The following SARAF variants were observed in gnomAD, a reference collection of about 807,000 sequenced individuals.
SARAF encodes store-operated calcium entry associated regulatory factor, also known as store-operated calcium entry-associated regulatory factor.
A neutral mutation model predicts 39.7 loss-of-function variants in SARAF; 23 were observed. The ratio of observed to expected loss-of-function variants is 0.58; its 90% CI spans 0.42 to 0.82. The LOEUF (loss-of-function observed/expected upper bound fraction) is 0.82, where lower values mean the gene tolerates loss of function less well. Ranked by LOEUF, SARAF falls within the 40% of genes least tolerant of loss-of-function variation. The pLI, the probability that SARAF is intolerant of heterozygous loss-of-function variation, is 0.00. For missense variants in SARAF, 384 were observed against 418.5 expected, an observed-to-expected ratio of 0.92 and a Z score of 0.72; for synonymous variants, 175 against 168.5, an observed-to-expected ratio of 1.04 and a Z score of -0.30.
rs767715490 is a variant in SARAF, at chr8:30,066,116, G to A, written c.866C>T (p.Ser289Leu). 27 of 1,613,988 alleles carry A rather than the reference G, an allele frequency of 1.7e-5. No homozygotes were observed. The highest frequency in any genetic ancestry group is 6.6e-5 in the South Asian group (6 of 91,090). Residue 289 changes from serine (S) to leucine (L), a missense_variant, in exon 5 of 6, where the codon TCG becomes TTG. Transcript: ENST00000256255. ...GGGAGGATAGGACGGGTAGTACCAC[G>A]AGTCTGAGAAGGGTGTTGCCGCTCT... ...SNRAATPFSD[S>L]WYYPSYPPSY...
At chr8:30,068,531 T>C (rs1294347857) in intron 3 of SARAF, among the ~76,000 whole-genome samples, 1 of 152,198 alleles carries the variant, frequency 6.6e-6, no homozygotes, top group African/African-American at 2.4e-5. Flanking sequence ...AAATGTAATA[T>C]GCTTTAATCA....
rs1801698910 is a variant in SARAF at position 30,066,635 on chromosome 8, C to T, written c.842+142G>A. The T allele has an allele frequency of 3.0e-6, 3 of 998,100 alleles. No homozygotes were observed. The South Asian group carries it at 4.9e-5, about 16-fold the overall frequency. 61.8% of individuals were successfully genotyped at this position (998,100 alleles called of 1,614,324 possible). On this transcript the variant is annotated intron_variant, in intron 4 of 5. Coordinates refer to ENST00000256255, the MANE Select transcript of SARAF (RefSeq NM_016127.6). ...ACTGATCAAAACAAATATAGTGTAC[C>T]TTCCCCCTTCCCAGAGAATCTTATT...
intron 1 of SARAF, chr8:30,082,131 G>A (rs1802114591): frequency 1.3e-5 from 2 of 152,210 alleles, no homozygotes; most frequent in South Asian, 2.1e-4. Context: ...GAGGTCAGGA[G>A]GTCGAGACCA....
In SARAF at chr8:30,083,019, G is replaced by C. The variant is rs1802146848; in HGVS notation, c.-70C>G. ...CGAACCTGGGTGCGGTAGCGCGCGCGACGCTGCGCAGCTACACCGCTACCC... is the reference window on the plus strand; with the variant it reads ...CGAACCTGGGTGCGGTAGCGCGCGCCACGCTGCGCAGCTACACCGCTACCC... On this transcript the variant is annotated 5_prime_UTR_variant, in exon 1 of 6. Transcript: ENST00000256255. The C allele has an allele frequency of 1.6e-6, 2 of 1,213,934 alleles. No individual in the cohort carries two copies. The highest frequency in any genetic ancestry group is 2.9e-5 in the East Asian group (1 of 35,018). 75.2% of individuals were successfully genotyped at this position (1,213,934 alleles called of 1,614,324 possible).
chr8:30,081,514 A>G (rs956010788), intron 1 of SARAF, among the ~76,000 whole-genome samples: 1 of 152,204 alleles, frequency 6.6e-6, no homozygotes, highest in South Asian at 2.1e-4. Flanking sequence ...TTGGCTTTTT[A>G]TTTTTGGTAA....
intron 2 of SARAF, among the ~76,000 whole-genome samples, chr8:30,071,261 G>A (rs1297686191): frequency 6.6e-6 from 1 of 152,106 alleles, no homozygotes; most frequent in Non-Finnish European, 1.5e-5. Context: ...GCAGGAGAAC[G>A]ACTTGAACCC....
At chr8:30,071,823 T>A (rs937859889) in intron 2 of SARAF, among the ~76,000 whole-genome samples, 4 of 28,770 alleles carry the variant, frequency 1.4e-4, no homozygotes, top group Admixed American at 5.3e-4. Context: ...TTTCTTTGCA[T>A]GGATATACCA....
chr8:30,068,182 A>G (rs7012361), intron 3 of SARAF, among the ~76,000 whole-genome samples: 149,049 of 152,284 alleles, frequency 0.98, 73,024 homozygotes, highest in Middle Eastern at 1. Context: ...CAGGAGGTGA[A>G]CAGCAAGCAA....
intron 1 of SARAF, 24 bp downstream of exon 1, chr8:30,082,823 C>T: frequency 7.0e-7 from 1 of 1,431,292 alleles, no homozygotes; most frequent in Non-Finnish European, 9.3e-7. Context: ...GAACGAAGCG[C>T]CTGAGGGCCC....
At chr8:30,073,186 G>A (rs1801884184) in intron 2 of SARAF, among the ~76,000 whole-genome samples, 1 of 152,188 alleles carries the variant, frequency 6.6e-6, no homozygotes, top group African/African-American at 2.4e-5. Flanking sequence ...CTGATGGAGA[G>A]GGGAAATCGT....
At chr8:30,065,504 A>G (rs1294462088) in intron 5 of SARAF, among the ~76,000 whole-genome samples, 1 of 152,206 alleles carries the variant, frequency 6.6e-6, no homozygotes, top group East Asian at 1.9e-4. Flanking sequence ...CTTACCCAGC[A>G]GCTCCCAATT....
chr8:30,082,973 G>A lies in SARAF; in HGVS notation c.-24C>T. The A allele has an allele frequency of 6.5e-7, 1 of 1,529,244 alleles. No homozygotes were observed. Among genetic ancestry groups the A allele is most frequent in the Non-Finnish European group, 8.8e-7 (1 of 1,135,178 alleles). The allele number at this position is 1,529,244 out of a possible 1,614,324, so 94.7% of individuals were successfully genotyped here. A position where few individuals can be genotyped will look rare whatever the true frequency, so the allele number is the denominator to read the frequency against. On this transcript the variant is annotated 5_prime_UTR_variant, in exon 1 of 6. Transcript: ENST00000256255. ...ATGGCGCTCGATGAAGATGGCGCCG[G>A]GCTGCCAGACGCCTACGGGCCGAAC... is the stretch of plus-strand genomic sequence containing the variant.
chr8:30,068,195 G>A (rs537654007), intron 3 of SARAF, among the ~76,000 whole-genome samples: 276 of 152,240 alleles, frequency 1.8e-3, no homozygotes, highest in Middle Eastern at 6.8e-3. Flanking sequence ...GCAAGCAAGC[G>A]ACTGAAGCTT....
chr8:30,082,723 G>C (rs1270210206), intron 1 of SARAF, 124 bp downstream of exon 1: 9 of 700,172 alleles, frequency 1.3e-5, no homozygotes, highest in Non-Finnish European at 1.8e-5. Context: ...AAAGAGGTCA[G>C]ACATGGGGAA....
intron 5 of SARAF, 76 bp downstream of exon 5, chr8:30,065,912 A>C (rs1009954394): frequency 6.4e-7 from 1 of 1,560,868 alleles, no homozygotes; most frequent in Admixed American, 1.7e-5. Context: ...CTAAACAGAT[A>C]ATCATCTTCT....
chr8:30,064,553 A>T (rs1465833219), intron 5 of SARAF, among the ~76,000 whole-genome samples: 34,951 of 47,238 alleles, frequency 0.74, 13,170 homozygotes, highest in Middle Eastern at 0.82. Context: ...ATATATATAT[A>T]TATATATATT....
Position 30,069,715 on chromosome 8 carries a change from T to C in SARAF, c.627A>G (p.Pro209=), listed in dbSNP as rs749956539. 21 of 1,613,876 alleles carry C rather than the reference T, an allele frequency of 1.3e-5. 1 individual carries two copies. The Middle Eastern group carries it at 9.9e-4, about 76-fold the overall frequency. Residue 209 remains proline (P), a synonymous_variant, in exon 3 of 6, where the codon CCA becomes CCG. Coordinates refer to ENST00000256255, the MANE Select transcript of SARAF (RefSeq NM_016127.6). ...YSPPPYSEYP[P]FSHRYQRFTN... ...TGAATCTCTGGTAACGGTGGGAAAA[T>C]GGAGGATACTCAGAGTACGGTGGAG... is the stretch of plus-strand genomic sequence containing the variant.
At chr8:30,068,415 T>C (rs1258302449) in intron 3 of SARAF, among the ~76,000 whole-genome samples, 6 of 152,334 alleles carry the variant, frequency 3.9e-5, no homozygotes, top group Admixed American at 6.5e-5. Flanking sequence ...GACCATCCAG[T>C]TGCAGGAAAA....
intron 1 of SARAF, among the ~76,000 whole-genome samples, chr8:30,075,073 C>T (rs990159889): frequency 2.6e-5 from 4 of 151,878 alleles, no homozygotes; most frequent in Non-Finnish European, 5.9e-5. Flanking sequence ...GGCCGAGGCA[C>T]GTGGATCACC....
Sources: gnomAD v4.1 joint callset for allele counts (sites outside exome capture counted in the v4.1 genomes callset) on GRCh38, gnomAD v4.1.1 for gene constraint, MANE v1.5 for transcripts, NCBI Gene and HGNC (gene_info 2026-07-23, HGNC 2026-07-21) for gene names.